The following PCDH11X variants were observed in gnomAD, a reference collection of about 807,000 sequenced individuals.
PCDH11X encodes the protein protocadherin 11 X-linked, also known as protocadherin-11 X-linked.
PCDH11X carries 18 observed loss-of-function variants against 53.3 expected under a neutral mutation model. That is an observed-to-expected ratio of 0.34 (90% CI 0.23 to 0.50). PCDH11X has a LOEUF of 0.50. Ranked by LOEUF, PCDH11X falls within the 20% of genes least tolerant of loss-of-function variation. The pLI is 0.98. For synonymous variants in PCDH11X, 279 were observed against 393.3 expected (o/e 0.71, Z 3.44); for missense variants, 570 against 1,032.4 (o/e 0.55, Z 6.14).
chrX:92,283,017 A>T (rs1477797344), intron 8 of PCDH11X, among the ~76,000 whole-genome samples: 3 of 111,072 alleles, frequency 2.7e-5, no homozygotes, highest in African/African-American at 9.8e-5. Context: ...ATGTGCCAAG[A>T]AGTATGTGAA....
At chrX:92,013,079 G>A (rs2147983635) in intron 6 of PCDH11X, among the ~76,000 whole-genome samples, 1 of 111,362 alleles carries the variant, frequency 9.0e-6, no homozygotes, top group African/African-American at 3.3e-5. Flanking sequence ...TAGGAAAAGA[G>A]GAAGTCAAAT....
At chrX:92,054,177 G>T (rs1383005306) in intron 6 of PCDH11X, among the ~76,000 whole-genome samples, 1 of 111,325 alleles carries the variant, frequency 9.0e-6, no homozygotes, top group African/African-American at 3.3e-5. Context: ...CTCATTAATT[G>T]CTAAATCACT....
chrX:91,954,731 T>A (rs1419542085), intron 6 of PCDH11X, among the ~76,000 whole-genome samples: 2 of 111,488 alleles, frequency 1.8e-5, no homozygotes, highest in Non-Finnish European at 3.8e-5. Context: ...CTTCGTTTCA[T>A]ATGTTTTTTG....
At chrX:92,334,109 A>G (rs1569467405) in intron 8 of PCDH11X, among the ~76,000 whole-genome samples, 2 of 111,830 alleles carry the variant, frequency 1.8e-5, no homozygotes, top group Non-Finnish European at 1.9e-5. Flanking sequence ...TAGCCTACAA[A>G]AATTGAAATT....
At chrX:92,504,053 A>C (rs1290170007) in intron 10 of PCDH11X, among the ~76,000 whole-genome samples, 7 of 86,871 alleles carry the variant, frequency 8.1e-5, no homozygotes, top group Non-Finnish European at 1.4e-4. Context: ...AAAAAAAAAA[A>C]AAAAAGACTT....
At chrX:92,164,000 G>T (rs1371611084) in intron 6 of PCDH11X, among the ~76,000 whole-genome samples, 3 of 111,623 alleles carry the variant, frequency 2.7e-5, no homozygotes, top group Admixed American at 9.5e-5. Context: ...GACTCATCTT[G>T]ATGCATAGAT....
intron 6 of PCDH11X, among the ~76,000 whole-genome samples, chrX:92,142,869 A>G (rs1204719979): frequency 9.1e-6 from 1 of 109,290 alleles, no homozygotes; most frequent in Admixed American, 9.9e-5. Context: ...ATACACACAC[A>G]CAGACACATA....
At position 92,248,204 on chromosome X, in the gene PCDH11X, T is replaced by C. The variant is rs1464524720; in HGVS notation, c.3115-14910T>C. 5.4e-5 allele frequency among the ~76,000 whole-genome samples: 6 copies of C among 111,140 alleles called. No homozygotes were observed. In the East Asian group the frequency reaches 1.4e-3, roughly 26 times the overall value. ...TCCCACCTAGGAAATAAACAAGAGATGGAACCAGGTATCAGGCAATTATAA... is the reference window on the plus strand; with the variant it reads ...TCCCACCTAGGAAATAAACAAGAGACGGAACCAGGTATCAGGCAATTATAA... On this transcript the variant is annotated intron_variant, in intron 7 of 10. Coordinates refer to ENST00000682573, the MANE Select transcript of PCDH11X (RefSeq NM_032968.5).
At chrX:92,432,221 T>C (rs940127392) in intron 9 of PCDH11X, among the ~76,000 whole-genome samples, 5 of 110,627 alleles carry the variant, frequency 4.5e-5, no homozygotes, top group Non-Finnish European at 9.5e-5. Context: ...ATGGCACCAT[T>C]CTCTTAAAGT....
intron 4 of PCDH11X, among the ~76,000 whole-genome samples, chrX:91,820,929 A>T (rs1293765223): frequency 1.8e-5 from 2 of 108,324 alleles, no homozygotes; most frequent in Non-Finnish European, 3.8e-5. Context: ...TTAGATAGGG[A>T]ATCCTTTCCC....
At chrX:91,989,834 A>C (rs1280853765) in intron 6 of PCDH11X, among the ~76,000 whole-genome samples, 2 of 109,364 alleles carry the variant, frequency 1.8e-5, no homozygotes, top group African/African-American at 3.3e-5. Flanking sequence ...CAGATTTGTA[A>C]ATTTTTCATC....
chrX:91,916,911 C>T (rs1218468098), intron 6 of PCDH11X, among the ~76,000 whole-genome samples: 2 of 110,345 alleles, frequency 1.8e-5, no homozygotes, highest in East Asian at 2.9e-4. Context: ...CAAAAATCCT[C>T]AACAAAATAA....
chrX:92,009,884 T>C (rs748333193), intron 6 of PCDH11X, among the ~76,000 whole-genome samples: 1 of 109,176 alleles, frequency 9.2e-6, no homozygotes, highest in Admixed American at 9.9e-5. Context: ...TTTGTATTTT[T>C]AGTACAGACG....
chrX:92,423,426 C>T (rs148668995), intron 9 of PCDH11X, among the ~76,000 whole-genome samples: 24,482 of 94,167 alleles, frequency 0.26, 5,721 homozygotes, highest in Middle Eastern at 0.41. Context: ...AGATTTTCTT[C>T]CACTCTGAGG....
intron 7 of PCDH11X, among the ~76,000 whole-genome samples, chrX:92,208,085 C>T (rs917846151): frequency 9.3e-6 from 1 of 107,865 alleles, no homozygotes; most frequent in Non-Finnish European, 1.9e-5. Flanking sequence ...ATCCCAGCTA[C>T]TCAGCAGGCT....
At chrX:91,818,013 G>A (rs1602279415) in intron 4 of PCDH11X, among the ~76,000 whole-genome samples, 1 of 111,577 alleles carries the variant, frequency 9.0e-6, no homozygotes, top group East Asian at 2.8e-4. Context: ...CTATTAAGGA[G>A]TTGGATATCT....
intron 4 of PCDH11X, among the ~76,000 whole-genome samples, chrX:91,823,837 G>A (rs1289081083): frequency 1.8e-5 from 2 of 110,707 alleles, no homozygotes; most frequent in African/African-American, 3.3e-5. Flanking sequence ...CATATTTAGC[G>A]CTTCCTTCAG....
chrX:92,179,077 C>T (rs772671645), intron 6 of PCDH11X, among the ~76,000 whole-genome samples: 1 of 111,812 alleles, frequency 8.9e-6, no homozygotes, highest in African/African-American at 3.2e-5. Flanking sequence ...TAGTAACTCT[C>T]ATGTTACCCC....
At chrX:92,109,970 T>C (rs994543318) in intron 6 of PCDH11X, among the ~76,000 whole-genome samples, 6 of 112,469 alleles carry the variant, frequency 5.3e-5, no homozygotes, top group Non-Finnish European at 1.1e-4. Context: ...GATATAGTTA[T>C]TGAATAAAAC....
Sources: gnomAD v4.1 joint callset for allele counts (sites outside exome capture counted in the v4.1 genomes callset) on GRCh38, gnomAD v4.1.1 for gene constraint, MANE v1.5 for transcripts, NCBI Gene and HGNC (gene_info 2026-07-23, HGNC 2026-07-21) for gene names.